The following LDAH variants were observed in gnomAD, a reference collection of about 807,000 sequenced individuals.
The protein encoded by LDAH is lipid droplet-associated hydrolase.
LDAH carries 26 observed loss-of-function variants against 29.6 expected under a neutral mutation model. That is an observed-to-expected ratio of 0.88 (90% CI 0.64 to 1.22). LDAH has a LOEUF of 1.22. Ranked by LOEUF, LDAH falls within the 50% of genes most tolerant of loss-of-function variation. The probability of loss-of-function intolerance (pLI) is 0.00; values close to 1 mark genes in which losing one functional copy is unlikely to be tolerated. For missense variants in LDAH, 344 were observed against 387.3 expected, an observed-to-expected ratio of 0.89 and a Z score of 0.94; for synonymous variants, 117 against 133.0, an observed-to-expected ratio of 0.88 and a Z score of 0.83.
At chr2:20,776,863 T>G (rs1358045405) in intron 3 of LDAH, among the ~76,000 whole-genome samples, 2 of 152,210 alleles carry the variant, frequency 1.3e-5, no homozygotes, top group African/African-American at 2.4e-5. Context: ...AATATCCAAG[T>G]TTTCCTTCTG....
chr2:20,785,954 T>C (rs943983274), intron 3 of LDAH, among the ~76,000 whole-genome samples: 2 of 152,198 alleles, frequency 1.3e-5, no homozygotes, highest in African/African-American at 2.4e-5. Context: ...GTAGTAATCA[T>C]GGTTACTTTA....
intron 3 of LDAH, among the ~76,000 whole-genome samples, chr2:20,777,406 GC>G (rs1201851519): frequency 1.3e-5 from 2 of 152,096 alleles, no homozygotes; most frequent in African/African-American, 4.8e-5. Flanking sequence ...ATTTAAATGT[GC>G]TATCTTTTAA....
intron 3 of LDAH, among the ~76,000 whole-genome samples, chr2:20,777,364 A>G (rs1425904448): frequency 2.0e-5 from 3 of 152,220 alleles, no homozygotes; most frequent in Admixed American, 2.0e-4. Context: ...TTAATGGGGA[A>G]AGTACTTTCT....
At position 20,685,424 on chromosome 2, in the gene LDAH, C is replaced by G. The variant is rs1036096727; in HGVS notation, c.*1479G>C. 1 of 1,262,514 alleles carries G rather than the reference C, an allele frequency of 7.9e-7. No homozygotes were observed. The highest frequency in any genetic ancestry group is 1.1e-6 in the Non-Finnish European group (1 of 926,966). The allele number at this position is 1,262,514 out of a possible 1,614,324, so 78.2% of individuals were successfully genotyped here. A position where few individuals can be genotyped will look rare whatever the true frequency, so the allele number is the denominator to read the frequency against. ...AGCCCTGTGCTTACGGCCTATGTAT[C>G]TATTAGCTCTTCCCCTTGGGCTAAC... On this transcript the variant is annotated 3_prime_UTR_variant, in exon 7 of 7. Transcript: ENST00000237822.
intron 4 of LDAH, among the ~76,000 whole-genome samples, chr2:20,774,236 T>C (rs562824408): frequency 3.3e-5 from 5 of 152,348 alleles, no homozygotes; most frequent in Admixed American, 6.5e-5. Context: ...TTTGCGTCTC[T>C]AGCGCCTCAC....
intron 3 of LDAH, among the ~76,000 whole-genome samples, chr2:20,775,781 T>C (rs1035260277): frequency 8.5e-5 from 13 of 152,214 alleles, no homozygotes; most frequent in African/African-American, 2.7e-4. Context: ...CTCTCTTCTG[T>C]GCTTAATCAG....
chr2:20,694,159 G>GC (rs57947256), intron 6 of LDAH, among the ~76,000 whole-genome samples: 128,995 of 152,164 alleles, frequency 0.85, 54,976 homozygotes, highest in East Asian at 1. Context: ...CCCAGCTAGG[G>GC]CCCCTACCCT....
chr2:20,747,656 T>C (rs543669873), intron 4 of LDAH, among the ~76,000 whole-genome samples: 73 of 152,308 alleles, frequency 4.8e-4, no homozygotes, highest in Non-Finnish European at 8.4e-4. Flanking sequence ...AATGCCATTA[T>C]ATTTTAATCA....
chr2:20,733,853 A>T (rs190618682), intron 5 of LDAH, among the ~76,000 whole-genome samples: 4 of 152,238 alleles, frequency 2.6e-5, no homozygotes, highest in African/African-American at 9.6e-5. Context: ...ATGTAGTATT[A>T]TTTGAATTTC....
chr2:20,696,578 G>C (rs1174292600), intron 6 of LDAH, among the ~76,000 whole-genome samples: 3 of 152,224 alleles, frequency 2.0e-5, no homozygotes, highest in African/African-American at 7.2e-5. Flanking sequence ...GTAAGCCTGG[G>C]CCAAACGTGG....
intron 2 of LDAH, among the ~76,000 whole-genome samples, chr2:20,798,035 T>C (rs921866726): frequency 6.6e-6 from 1 of 152,162 alleles, no homozygotes; most frequent in African/African-American, 2.4e-5. Context: ...ATGATACCAA[T>C]ACTTCTTATA....
chr2:20,687,229 G>A (rs1662627790), intron 6 of LDAH, 135 bp from the exon 7 acceptor site: 1 of 635,030 alleles, frequency 1.6e-6, no homozygotes, highest in Admixed American at 3.2e-5. Context: ...GCTCTCTCCA[G>A]AGTGTGGCTC....
At chr2:20,818,148 C>T (rs1213577065) in intron 1 of LDAH, among the ~76,000 whole-genome samples, 1 of 152,006 alleles carries the variant, frequency 6.6e-6, no homozygotes, top group Non-Finnish European at 1.5e-5. Flanking sequence ...TGTCAATTTC[C>T]CAGTTTTAAT....
At chr2:20,682,653 T>C (rs13385499), downstream of LDAH, among the ~76,000 whole-genome samples, 95,182 of 152,038 alleles carry the variant, frequency 0.63, 30,429 homozygotes, top group Middle Eastern at 0.83. Context: ...AGCCTAATAT[T>C]GTGGCTTTTT....
intron 5 of LDAH, among the ~76,000 whole-genome samples, chr2:20,737,529 T>C (rs1157682753): frequency 2.6e-5 from 4 of 152,220 alleles, no homozygotes; most frequent in African/African-American, 7.2e-5. Flanking sequence ...ATTTCAAATG[T>C]TGATTCCATT....
Position 20,684,044 on chromosome 2 carries a change from A to G in LDAH, c.*2859T>C, listed in dbSNP as rs536199235. The G allele has an allele frequency of 6.6e-6, 1 of 152,230 alleles. No homozygotes were observed. Among genetic ancestry groups the G allele is most frequent in the African/African-American group, 2.4e-5 (1 of 41,462 alleles). 9.4% of individuals were successfully genotyped at this position (152,230 alleles called of 1,614,324 possible). On this transcript the variant is annotated 3_prime_UTR_variant, in exon 7 of 7. Transcript: ENST00000237822. ...GAGATAGCATGGTGGGGTTTTAAAA[A>G]TAATTATTTTTACAAATTCTAAAAC...
intron 5 of LDAH, among the ~76,000 whole-genome samples, chr2:20,709,107 C>T (rs573584759): frequency 5.9e-5 from 9 of 152,022 alleles, no homozygotes; most frequent in Non-Finnish European, 1.0e-4. Flanking sequence ...TTTTGAGTGC[C>T]AACATGATGC....
intron 5 of LDAH, among the ~76,000 whole-genome samples, chr2:20,711,783 G>T (rs757925457): frequency 1.2e-4 from 18 of 152,238 alleles, no homozygotes; most frequent in Non-Finnish European, 1.9e-4. Context: ...CTTGCTCACT[G>T]CTAGCGCAGC....
intron 4 of LDAH, among the ~76,000 whole-genome samples, chr2:20,761,327 C>A (rs1203818200): frequency 6.6e-6 from 1 of 151,876 alleles, no homozygotes; most frequent in African/African-American, 2.4e-5. Flanking sequence ...ATGTGTAAGA[C>A]CCTATGCTAG....
Sources: allele counts gnomAD v4.1 joint callset (sites outside exome capture counted in the v4.1 genomes callset), GRCh38; gene constraint gnomAD v4.1.1; transcripts MANE v1.5; gene names NCBI Gene and HGNC (gene_info 2026-07-23, HGNC 2026-07-21).